HS3ST2: variants seen among roughly 807,000 people sequenced by gnomAD.
HS3ST2 encodes heparan sulfate-glucosamine 3-sulfotransferase 2.
In HS3ST2, 17 loss-of-function variants were observed where a neutral mutation model predicts 26.3. The observed-to-expected ratio is 0.65, with a 90% CI of 0.44 to 0.97. The LOEUF is 0.97. Among genes scored for constraint, HS3ST2 ranks in the 50% least tolerant of loss-of-function variants. The pLI is 0.00. For missense variants in HS3ST2, 402 were observed against 501.2 expected (o/e 0.80, Z 1.89); for synonymous variants, 237 against 219.2 (o/e 1.08, Z -0.72).
chr16:22,815,720 G>C (rs1900855397), intron 1 of HS3ST2, among the ~76,000 whole-genome samples: 1 of 152,124 alleles, frequency 6.6e-6, no homozygotes. Flanking sequence ...AAGAGCCCTG[G>C]ATTCGAGTCT....
chr16:22,817,035 T>C (rs1900880776), intron 1 of HS3ST2, among the ~76,000 whole-genome samples: 1 of 152,226 alleles, frequency 6.6e-6, no homozygotes, highest in South Asian at 2.1e-4. Context: ...GGCTGCTTTT[T>C]ATTTTTAACC....
intron 1 of HS3ST2, among the ~76,000 whole-genome samples, chr16:22,879,107 G>C (rs1901955589): frequency 6.6e-6 from 1 of 152,242 alleles, no homozygotes; most frequent in Admixed American, 6.5e-5. Flanking sequence ...ATCAGTGCCA[G>C]GGCCATCTGT....
intron 1 of HS3ST2, among the ~76,000 whole-genome samples, chr16:22,849,321 C>T (rs1435865343): frequency 6.6e-6 from 1 of 152,144 alleles, no homozygotes; most frequent in Non-Finnish European, 1.5e-5. Flanking sequence ...CCAGCCCACC[C>T]AGAGACTAAC....
chr16:22,849,342 A>G (rs1901488056), intron 1 of HS3ST2, among the ~76,000 whole-genome samples: 1 of 152,186 alleles, frequency 6.6e-6, no homozygotes, highest in Admixed American at 6.5e-5. Flanking sequence ...AGTATAAATT[A>G]AGGGCAAACA....
intron 1 of HS3ST2, among the ~76,000 whole-genome samples, chr16:22,905,337 C>T (rs527466798): frequency 6.6e-6 from 1 of 152,182 alleles, no homozygotes; most frequent in East Asian, 1.9e-4. Context: ...GTCCTGTGTT[C>T]CACTGCGTAG....
At position 22,878,610 on chromosome 16, in the gene HS3ST2, C is replaced by A. The variant is rs201296722; in HGVS notation, c.486-36334C>A. The stretch of plus-strand genomic sequence containing the variant: ...ATATGAAGCGGGGGCCTAACAGGGT[C>A]AAAAAAAAAGAAATAAATACATTAT... On this transcript the variant is annotated intron_variant, in intron 1 of 1. Coordinates refer to ENST00000261374, the MANE Select transcript of HS3ST2 (RefSeq NM_006043.2). 2.3e-3 allele frequency among the ~76,000 whole-genome samples: 340 copies of A among 149,176 alleles called. 1 individual carries two copies. Among genetic ancestry groups the A allele is most frequent in the African/African-American group, 7.8e-3 (317 of 40,670 alleles).
In HS3ST2 at chr16:22,814,686, C is replaced by A; in HGVS notation, c.76C>A (p.Leu26Ile). Residue 26 changes from leucine to isoleucine, a missense_variant, in exon 1 of 2, where the codon CTC becomes ATC. This residue lies in a region of HS3ST2 where 165 missense variants were observed against 154.6 expected (regional missense o/e 1.07). Transcript: ENST00000261374. Reference protein sequence around the residue: ...RARRLLFAFTLSLSCTYLCYS... With the variant: ...RARRLLFAFTISLSCTYLCYS... ...GCGCAGGCTGCTCTTCGCCTTCACG[C>A]TCTCGCTCTCCTGCACTTACCTGTG... 2 of 1,602,682 alleles carry A rather than the reference C, an allele frequency of 1.2e-6. No homozygotes were observed. The highest frequency in any genetic ancestry group is 1.7e-4 in the Middle Eastern group (1 of 6,030).
rs867614888 is a variant in HS3ST2, at chr16:22,880,227, C to G, written c.486-34717C>G. 1.7e-4 allele frequency among the ~76,000 whole-genome samples: 26 copies of G among 151,910 alleles called. 3 individuals carry two copies. Among genetic ancestry groups the G allele is most frequent in the Admixed American group, 1.4e-3 (21 of 15,240 alleles). On this transcript the variant is annotated intron_variant, in intron 1 of 1. Transcript: ENST00000261374. Reference sequence around the variant, plus strand: ...TGAGTCCAGTAGTTTAAGATGAGCACGGGCAACATAGCAAGACCCTATCTC... The same window carrying G: ...TGAGTCCAGTAGTTTAAGATGAGCAGGGGCAACATAGCAAGACCCTATCTC...
At chr16:22,881,063 A>G (rs551816710) in intron 1 of HS3ST2, among the ~76,000 whole-genome samples, 1 of 152,358 alleles carries the variant, frequency 6.6e-6, no homozygotes, top group African/African-American at 2.4e-5. Flanking sequence ...CATCACTTGC[A>G]ACCAAAGGAC....
At chr16:22,895,120 C>T (rs868264868) in intron 1 of HS3ST2, among the ~76,000 whole-genome samples, 2 of 140,140 alleles carry the variant, frequency 1.4e-5, no homozygotes, top group East Asian at 2.1e-4. Context: ...GAGACAGTTT[C>T]GCTCTGTTGC....
At chr16:22,847,547 C>T (rs779964795) in intron 1 of HS3ST2, among the ~76,000 whole-genome samples, 41 of 151,846 alleles carry the variant, frequency 2.7e-4, no homozygotes, top group South Asian at 6.3e-4. Context: ...GTTGCAAGAT[C>T]GTACTGAAAC....
At chr16:22,844,593 G>T (rs1901404407) in intron 1 of HS3ST2, among the ~76,000 whole-genome samples, 1 of 152,082 alleles carries the variant, frequency 6.6e-6, no homozygotes, top group South Asian at 2.1e-4. Flanking sequence ...GGTGGGAGGT[G>T]ATTGGATCAT....
rs181969417 is a variant in HS3ST2 at position 22,856,188 on chromosome 16, T to G, written c.485+41093T>G. ...ATTCCATGTGAAACTGGGCAGGTTT[T>G]GTACTGCACAACCATGCATACCTAA... On this transcript the variant is annotated intron_variant, in intron 1 of 1. Coordinates refer to ENST00000261374, the MANE Select transcript of HS3ST2 (RefSeq NM_006043.2). Among the ~76,000 whole-genome samples, 280 of 152,328 alleles carry G rather than the reference T, an allele frequency of 1.8e-3. 2 individuals are homozygous for G. The highest frequency in any genetic ancestry group is 6.6e-3 in the African/African-American group (274 of 41,572).
chr16:22,886,812 G>C (rs945157095), intron 1 of HS3ST2, among the ~76,000 whole-genome samples: 3 of 151,484 alleles, frequency 2.0e-5, no homozygotes, highest in Non-Finnish European at 4.4e-5. Flanking sequence ...CCCAGGGTGA[G>C]AGCAGTGGTA....
intron 1 of HS3ST2, among the ~76,000 whole-genome samples, chr16:22,816,707 T>C (rs553927090): frequency 7.2e-5 from 11 of 152,320 alleles, no homozygotes; most frequent in African/African-American, 2.6e-4. Context: ...ATGTGGACAC[T>C]GTCTGAGTCA....
chr16:22,827,715 T>C lies in HS3ST2; in HGVS notation c.485+12620T>C, dbSNP rs1024061616. Among the ~76,000 whole-genome samples the C allele has an allele frequency of 1.0e-4, 15 of 147,646 alleles. 1 individual carries two copies. Among genetic ancestry groups the C allele is most frequent in the South Asian group, 2.2e-4 (1 of 4,600 alleles). On this transcript the variant is annotated intron_variant, in intron 1 of 1. Coordinates refer to ENST00000261374, the MANE Select transcript of HS3ST2 (RefSeq NM_006043.2). ...TAGTATTTCTTTCTTTCTTTCTTTT[T>C]TTTTTTTTTTTTTTGAGACAAGGTC...
chr16:22,860,599 C>A (rs1264201537), intron 1 of HS3ST2, among the ~76,000 whole-genome samples: 1 of 152,020 alleles, frequency 6.6e-6, no homozygotes, highest in Non-Finnish European at 1.5e-5. Flanking sequence ...GCAGGAATTG[C>A]CATCTATTTT....
intron 1 of HS3ST2, among the ~76,000 whole-genome samples, chr16:22,891,104 T>C (rs535001617): frequency 4.6e-5 from 7 of 152,202 alleles, no homozygotes; most frequent in Admixed American, 2.0e-4. Flanking sequence ...GGGGAAAGCA[T>C]TGGGTATGTT....
intron 1 of HS3ST2, among the ~76,000 whole-genome samples, chr16:22,882,590 C>T (rs545363993): frequency 6.6e-6 from 1 of 152,158 alleles, no homozygotes; most frequent in South Asian, 2.1e-4. Context: ...AAAAATTAGC[C>T]GGGCATGGTG....
Sources: allele counts gnomAD v4.1 joint callset (sites outside exome capture counted in the v4.1 genomes callset), GRCh38; gene constraint gnomAD v4.1.1; regional missense constraint gnomAD v4.1.1; transcripts MANE v1.5; gene names NCBI Gene and HGNC (gene_info 2026-07-23, HGNC 2026-07-21).